CDC14B: variants seen among roughly 807,000 people sequenced by gnomAD.
CDC14B encodes the protein dual specificity protein phosphatase CDC14B.
In CDC14B, 22 loss-of-function variants were observed where a neutral mutation model predicts 64.2. That is an observed-to-expected ratio of 0.34 (90% CI 0.24 to 0.49). CDC14B has a LOEUF of 0.49. Among genes scored for constraint, CDC14B ranks in the 20% least tolerant of loss-of-function variants. The pLI is 0.99. For missense variants in CDC14B, 498 were observed against 629.9 expected (o/e 0.79, Z 2.24); for synonymous variants, 191 against 215.8 (o/e 0.89, Z 1.01).
intron 1 of CDC14B, among the ~76,000 whole-genome samples, chr9:96,595,076 G>A (rs964905557): frequency 6.6e-6 from 1 of 152,066 alleles, no homozygotes; most frequent in African/African-American, 2.4e-5. Flanking sequence ...TCTTGAACCC[G>A]GGAGGCAGAG....
chr9:96,495,059 C>T (rs1445120151), intron 13 of CDC14B, among the ~76,000 whole-genome samples: 1 of 151,906 alleles, frequency 6.6e-6, no homozygotes, highest in East Asian at 1.9e-4. Flanking sequence ...TGGGCTCGAT[C>T]TCCTGACCTC....
intron 1 of CDC14B, among the ~76,000 whole-genome samples, chr9:96,605,169 A>G (rs1482694474): frequency 6.6e-6 from 1 of 152,106 alleles, no homozygotes; most frequent in Non-Finnish European, 1.5e-5. Context: ...AATAGCACTA[A>G]GAGCACAGAG....
In CDC14B at chr9:96,518,593, T is replaced by TA. The variant is rs571073048; in HGVS notation, c.1343+3912dup. Among the ~76,000 whole-genome samples the TA allele has an allele frequency of 4.6e-5, 7 of 152,242 alleles. No homozygotes were observed. The South Asian group carries it at 1.5e-3, about 32-fold the overall frequency. On this transcript the variant is annotated intron_variant, in intron 12 of 13. Transcript: ENST00000375241. The stretch of plus-strand genomic sequence containing the variant: ...TAAAGGGTGAACTCGAAATACAGCC[T>TA]AACCTTACCCCACAAGTTATACCCA...
intron 12 of CDC14B, among the ~76,000 whole-genome samples, chr9:96,518,750 C>T (rs1836156320): frequency 6.6e-6 from 1 of 152,218 alleles, no homozygotes; most frequent in Non-Finnish European, 1.5e-5. Flanking sequence ...TCCCAGCCTT[C>T]ACCTTCAGTT....
At chr9:96,544,161 G>A (rs1254293854) in intron 5 of CDC14B, among the ~76,000 whole-genome samples, 1 of 152,130 alleles carries the variant, frequency 6.6e-6, no homozygotes, top group East Asian at 1.9e-4. Context: ...AGGTTGCAAT[G>A]AGCCAAGATC....
intron 4 of CDC14B, among the ~76,000 whole-genome samples, chr9:96,557,255 C>CTCAG (rs1842618227): frequency 1.3e-5 from 2 of 152,368 alleles, no homozygotes; most frequent in Admixed American, 1.3e-4. Context: ...CGTCCCTTTG[C>CTCAG]TCAGCCCAGT....
chr9:96,569,537 T>C (rs935025861), intron 1 of CDC14B, among the ~76,000 whole-genome samples: 1 of 152,222 alleles, frequency 6.6e-6, no homozygotes, highest in Non-Finnish European at 1.5e-5. Flanking sequence ...CAATATTTTA[T>C]TGTTAGAGTA....
chr9:96,548,506 A>G (rs1375715028), intron 5 of CDC14B, among the ~76,000 whole-genome samples: 1 of 152,086 alleles, frequency 6.6e-6, no homozygotes, highest in Non-Finnish European at 1.5e-5. Context: ...ATACATACAC[A>G]CACACTTTAA....
chr9:96,547,645 G>A (rs1841149183), intron 5 of CDC14B, among the ~76,000 whole-genome samples: 1 of 151,920 alleles, frequency 6.6e-6, no homozygotes, highest in African/African-American at 2.4e-5. Flanking sequence ...AAGAGAAATG[G>A]TCTTGCTATG....
At chr9:96,555,274 A>AGGTAGT (rs1842354279) in intron 4 of CDC14B, among the ~76,000 whole-genome samples, 1 of 152,182 alleles carries the variant, frequency 6.6e-6, no homozygotes, top group Non-Finnish European at 1.5e-5. Flanking sequence ...TTTCTCTTAG[A>AGGTAGT]ACCCTCGCTC....
intron 1 of CDC14B, among the ~76,000 whole-genome samples, chr9:96,607,611 G>A (rs1222705610): frequency 6.6e-6 from 1 of 151,764 alleles, no homozygotes; most frequent in Non-Finnish European, 1.5e-5. Flanking sequence ...TTTTAGTAGA[G>A]ACGGGGTTTC....
intron 5 of CDC14B, among the ~76,000 whole-genome samples, chr9:96,542,217 C>A (rs950356264): frequency 6.6e-6 from 1 of 150,660 alleles, no homozygotes; most frequent in Non-Finnish European, 1.5e-5. Flanking sequence ...ATCTCTCCCC[C>A]AAAGGGGCAA....
At chr9:96,587,905 A>G (rs1484031641) in intron 1 of CDC14B, among the ~76,000 whole-genome samples, 1 of 152,104 alleles carries the variant, frequency 6.6e-6, no homozygotes, top group Non-Finnish European at 1.5e-5. Flanking sequence ...TTATTATATC[A>G]TAGTGTTATT....
At chr9:96,576,840 C>T (rs1844840898) in intron 1 of CDC14B, among the ~76,000 whole-genome samples, 1 of 152,010 alleles carries the variant, frequency 6.6e-6, no homozygotes, top group Non-Finnish European at 1.5e-5. Context: ...ATATAGAACA[C>T]AAAAACTTTT....
chr9:96,562,736 T>C lies in CDC14B; in HGVS notation c.377A>G (p.Gln126Arg), dbSNP rs897506046. The stretch of plus-strand genomic sequence containing the variant: ...GAAGGCAGCATTTGCTTGTTTTCTC[T>C]GATCAGAGCCAGTAAAATGAACAAT... ...KKIVHFTGSD[Q>R]RKQANAAFLV... The change falls in exon 4 of 14, where the codon CAG becomes CGG. Residue 126 changes from glutamine to arginine, a missense_variant. Coordinates refer to ENST00000375241, the MANE Select transcript of CDC14B (RefSeq NM_033331.4). 2 of 1,612,532 alleles carry C rather than the reference T, an allele frequency of 1.2e-6. No individual in the cohort carries two copies. Among genetic ancestry groups the C allele is most frequent in the Non-Finnish European group, 1.7e-6 (2 of 1,178,582 alleles).
intron 1 of CDC14B, among the ~76,000 whole-genome samples, chr9:96,583,864 GTC>G (rs1396661852): frequency 2.0e-5 from 3 of 152,074 alleles, no homozygotes; most frequent in Non-Finnish European, 2.9e-5. Flanking sequence ...GACTACAGGC[GTC>G]TACCACCATG....
chr9:96,511,949 A>AGT (rs1423352668), intron 12 of CDC14B, among the ~76,000 whole-genome samples: 4 of 152,178 alleles, frequency 2.6e-5, no homozygotes, highest in Non-Finnish European at 5.9e-5. Flanking sequence ...CAGCCAAACA[A>AGT]GTCTTTATGC....
intron 9 of CDC14B, among the ~76,000 whole-genome samples, chr9:96,527,943 C>A (rs1837842526): frequency 6.6e-6 from 1 of 152,106 alleles, no homozygotes; most frequent in Non-Finnish European, 1.5e-5. Flanking sequence ...CAATAACTAC[C>A]AATCCCTGCC....
intron 12 of CDC14B, among the ~76,000 whole-genome samples, chr9:96,511,566 G>A (rs936212775): frequency 3.3e-5 from 5 of 152,120 alleles, no homozygotes; most frequent in East Asian, 1.9e-4. Context: ...GCGAGACTCC[G>A]CAACCAGAGC....
Sources: allele counts gnomAD v4.1 joint callset (sites outside exome capture counted in the v4.1 genomes callset), GRCh38; gene constraint gnomAD v4.1.1; transcripts MANE v1.5; gene names NCBI Gene and HGNC (gene_info 2026-07-23, HGNC 2026-07-21).